Variants in ZNF385B observed in about 807,000 individuals in gnomAD.
The protein encoded by ZNF385B is zinc finger protein 533.
A neutral mutation model predicts 39.2 loss-of-function variants in ZNF385B; 23 were observed. That is an observed-to-expected ratio of 0.59 (90% confidence interval 0.42 to 0.83). ZNF385B has a LOEUF of 0.83. ZNF385B is among the 40% of genes least tolerant of loss of function. ZNF385B has a pLI of 0.00. For missense variants in ZNF385B, 552 were observed against 598.9 expected (o/e 0.92, Z 0.82); for synonymous variants, 205 against 222.6 (o/e 0.92, Z 0.70).
intron 1 of ZNF385B, among the ~76,000 whole-genome samples, chr2:179,841,478 A>C (rs1302652627): frequency 9.8e-5 from 15 of 152,310 alleles, no homozygotes; most frequent in Admixed American, 7.8e-4. Context: ...AGAAAGCAAG[A>C]CTTTACAAAT....
chr2:179,847,624 G>T (rs1708864372), intron 1 of ZNF385B, among the ~76,000 whole-genome samples: 1 of 152,162 alleles, frequency 6.6e-6, no homozygotes, highest in Admixed American at 6.5e-5. Context: ...AGCCACTTTT[G>T]GTTTTGTAGT....
At chr2:179,689,718 G>C (rs1004651799) in intron 3 of ZNF385B, among the ~76,000 whole-genome samples, 5 of 151,930 alleles carry the variant, frequency 3.3e-5, no homozygotes, top group African/African-American at 1.2e-4. Flanking sequence ...TTCTCATTGA[G>C]TTCCATTAAT....
chr2:179,630,830 C>T (rs927173065), intron 3 of ZNF385B, among the ~76,000 whole-genome samples: 6 of 152,096 alleles, frequency 3.9e-5, no homozygotes, highest in Admixed American at 3.9e-4. Flanking sequence ...CTTAAATGAC[C>T]TGATGGAGCT....
At chr2:179,589,264 T>C (rs1687355674) in intron 3 of ZNF385B, among the ~76,000 whole-genome samples, 1 of 152,192 alleles carries the variant, frequency 6.6e-6, no homozygotes, top group African/African-American at 2.4e-5. Flanking sequence ...ATGGCATACA[T>C]GAAATGAATA....
Position 179,569,699 on chromosome 2 carries a change from A to G in ZNF385B, c.299-24730T>C, listed in dbSNP as rs73976417. Among the ~76,000 whole-genome samples, 739 of 152,364 alleles carry G rather than the reference A, an allele frequency of 4.9e-3. 7 individuals carry two copies. The highest frequency in any genetic ancestry group is 0.017 in the African/African-American group (714 of 41,592). ...TATAAGGTCTTTAAGTGTGCAAAGC[A>G]CAGTGCTTTCTGCACAGTATTGGGT... On this transcript the variant is annotated intron_variant, in intron 3 of 9. Coordinates refer to ENST00000410066, the MANE Select transcript of ZNF385B (RefSeq NM_152520.6).
At chr2:179,493,779 ATACACATATG>A (rs1275694830) in intron 5 of ZNF385B, among the ~76,000 whole-genome samples, 7 of 100,512 alleles carry the variant, frequency 7.0e-5, no homozygotes, top group South Asian at 3.4e-4. Flanking sequence ...ATATATGTAT[ATACACATATG>A]TATACATATA....
chr2:179,476,683 G>A (rs2053479181), intron 6 of ZNF385B, among the ~76,000 whole-genome samples: 1 of 152,176 alleles, frequency 6.6e-6, no homozygotes, highest in African/African-American at 2.4e-5. Flanking sequence ...TTACCTGGAG[G>A]GATGCTACTG....
At chr2:179,598,597 A>T (rs1688179619) in intron 3 of ZNF385B, among the ~76,000 whole-genome samples, 1 of 152,144 alleles carries the variant, frequency 6.6e-6, no homozygotes, top group Non-Finnish European at 1.5e-5. Flanking sequence ...TGTATTTATT[A>T]AAAAATAAAA....
intron 5 of ZNF385B, among the ~76,000 whole-genome samples, chr2:179,485,213 A>G (rs2054440687): frequency 6.6e-6 from 1 of 152,216 alleles, no homozygotes; most frequent in Admixed American, 6.5e-5. Flanking sequence ...AGTGGAGAGT[A>G]TGACTATAAT....
At chr2:179,553,270 A>G (rs1224513017) in intron 3 of ZNF385B, among the ~76,000 whole-genome samples, 2 of 149,098 alleles carry the variant, frequency 1.3e-5, no homozygotes, top group African/African-American at 2.5e-5. Flanking sequence ...TTAAATAACC[A>G]AGATATATAA....
chr2:179,493,596 C>CGTATACACATAT (rs2055570139), intron 5 of ZNF385B, among the ~76,000 whole-genome samples: 1 of 112,876 alleles, frequency 8.9e-6, no homozygotes, highest in Non-Finnish European at 1.9e-5. Flanking sequence ...TACATATATG[C>CGTATACACATAT]GTATACATAT....
chr2:179,816,321 A>G (rs148374292), intron 1 of ZNF385B, among the ~76,000 whole-genome samples: 72 of 152,266 alleles, frequency 4.7e-4, no homozygotes, highest in African/African-American at 1.7e-3. Context: ...AGTTTAAGCC[A>G]CAGTCATTTC....
At position 179,852,509 on chromosome 2, in the gene ZNF385B, G is replaced by A. The variant is rs566069926; in HGVS notation, c.-155+8592C>T. Among the ~76,000 whole-genome samples the A allele has an allele frequency of 3.3e-4, 50 of 152,268 alleles. No individual in the cohort carries two copies. In the South Asian group the frequency reaches 0.01, roughly 31 times the overall value. ...TTTAGATTTTGTAGGGTTAGGTTTG[G>A]GCCCTGGAATCCATATACCATGAGT... On this transcript the variant is annotated intron_variant, in intron 1 of 9. Coordinates refer to ENST00000410066, the MANE Select transcript of ZNF385B (RefSeq NM_152520.6).
At chr2:179,660,610 T>C (rs1310064277) in intron 3 of ZNF385B, among the ~76,000 whole-genome samples, 3 of 152,214 alleles carry the variant, frequency 2.0e-5, no homozygotes, top group African/African-American at 7.2e-5. Flanking sequence ...AATACAGATA[T>C]ATTTATTATT....
chr2:179,506,698 G>A (rs2057282094), intron 5 of ZNF385B, among the ~76,000 whole-genome samples: 1 of 151,940 alleles, frequency 6.6e-6, no homozygotes, highest in Non-Finnish European at 1.5e-5. Flanking sequence ...GCATAGTACT[G>A]TATTCAAACT....
chr2:179,681,794 A>C (rs527666541), intron 3 of ZNF385B, among the ~76,000 whole-genome samples: 9 of 152,340 alleles, frequency 5.9e-5, no homozygotes, highest in Admixed American at 1.3e-4. Context: ...GGCAGTATGC[A>C]GTGGCACAAA....
intron 5 of ZNF385B, among the ~76,000 whole-genome samples, chr2:179,486,583 G>T (rs990916397): frequency 4.6e-5 from 7 of 152,286 alleles, no homozygotes; most frequent in South Asian, 2.1e-4. Context: ...TGGGAAATAT[G>T]CTAATATTAA....
intron 5 of ZNF385B, among the ~76,000 whole-genome samples, chr2:179,493,802 T>TATATGCATATATGTATACATATATGG (rs1491577657): frequency 7.9e-6 from 1 of 126,530 alleles, no homozygotes; most frequent in East Asian, 2.1e-4. Context: ...TACATATATG[T>TATATGCATATATGTATACATATATGG]ATATATACAT....
chr2:179,502,853 C>G (rs367734796), intron 5 of ZNF385B, among the ~76,000 whole-genome samples: 11 of 152,114 alleles, frequency 7.2e-5, no homozygotes, highest in African/African-American at 2.7e-4. Context: ...TCTACTCAAG[C>G]TGATTCTTTA....
Sources: gnomAD v4.1 joint callset for allele counts (sites outside exome capture counted in the v4.1 genomes callset) on GRCh38, gnomAD v4.1.1 for gene constraint, MANE v1.5 for transcripts, NCBI Gene and HGNC (gene_info 2026-07-23, HGNC 2026-07-21) for gene names.